The following EXOC4 variants were observed in gnomAD, a reference collection of about 807,000 sequenced individuals.
EXOC4 encodes SEC8-like 1.
In EXOC4, 71 loss-of-function variants were observed where a neutral mutation model predicts 107.2. The ratio of observed to expected loss-of-function variants is 0.66; its 90% CI spans 0.55 to 0.81. The LOEUF is 0.81. Among genes scored for constraint, EXOC4 ranks in the 30% least tolerant of loss-of-function variants. EXOC4 has a pLI of 0.00. For synonymous variants in EXOC4, 456 were observed against 441.2 expected (o/e 1.03, Z -0.42); for missense variants, 1,108 against 1,189.6 (o/e 0.93, Z 1.01).
intron 17 of EXOC4, among the ~76,000 whole-genome samples, chr7:134,029,505 T>C (rs1795221543): frequency 6.6e-6 from 1 of 152,060 alleles, no homozygotes; most frequent in African/African-American, 2.4e-5. Flanking sequence ...GATTGATTGA[T>C]TGATTGCTTT....
intron 5 of EXOC4, among the ~76,000 whole-genome samples, chr7:133,318,138 C>A (rs959064422): frequency 1.3e-5 from 2 of 152,220 alleles, no homozygotes; most frequent in Non-Finnish European, 2.9e-5. Context: ...CTCTCCACTT[C>A]TAAATGTGCA....
At position 133,719,070 on chromosome 7, in the gene EXOC4, A is replaced by G. The variant is rs543568724; in HGVS notation, c.1514+88929A>G. ...ACAATTCCTATGTTTTGTGGGAGGG[A>G]CCTAGTAGGAGGTAATTGAATCATG... On this transcript the variant is annotated intron_variant, in intron 10 of 17. Coordinates refer to ENST00000253861, the MANE Select transcript of EXOC4 (RefSeq NM_021807.4). Among the ~76,000 whole-genome samples the G allele has an allele frequency of 8.5e-5, 13 of 152,208 alleles. No homozygotes were observed. The East Asian group carries it at 1.5e-3, about 18-fold the overall frequency.
chr7:133,682,323 C>T (rs1469969487), intron 10 of EXOC4, among the ~76,000 whole-genome samples: 4 of 152,130 alleles, frequency 2.6e-5, no homozygotes, highest in African/African-American at 9.7e-5. Context: ...GTATGAAATT[C>T]TTCACCCATA....
At chr7:133,748,287 C>G (rs1795719532) in intron 10 of EXOC4, among the ~76,000 whole-genome samples, 1 of 152,136 alleles carries the variant, frequency 6.6e-6, no homozygotes, top group Non-Finnish European at 1.5e-5. Flanking sequence ...AAGAATGATA[C>G]AGTTTTGAAG....
chr7:133,770,237 A>AT (rs1264508692), intron 10 of EXOC4, among the ~76,000 whole-genome samples: 1 of 151,870 alleles, frequency 6.6e-6, no homozygotes, highest in Non-Finnish European at 1.5e-5. Flanking sequence ...TCTCAGGTAG[A>AT]TGCTAGAGTG....
At chr7:133,641,356 T>C (rs1420960768) in intron 10 of EXOC4, among the ~76,000 whole-genome samples, 4 of 152,222 alleles carry the variant, frequency 2.6e-5, no homozygotes, top group Non-Finnish European at 4.4e-5. Context: ...TCTTTCAGTA[T>C]GTCTACAGTA....
intron 7 of EXOC4, among the ~76,000 whole-genome samples, chr7:133,472,081 A>G (rs896770480): frequency 6.6e-6 from 1 of 152,210 alleles, no homozygotes. Flanking sequence ...TTCAGGGAAG[A>G]GTTAAGTAAT....
In EXOC4 at chr7:133,955,565, A is replaced by G. The variant is rs148069439; in HGVS notation, c.2206+17496A>G. Among the ~76,000 whole-genome samples, 886 of 152,342 alleles carry G rather than the reference A, an allele frequency of 5.8e-3. 11 individuals carry two copies. Among genetic ancestry groups the G allele is most frequent in the Middle Eastern group, 0.017 (5 of 294 alleles). ...GTAACATAAGTTCCCACTCTGGTCC[A>G]TGGGACTGGCAGCCTGGCCCCCAGG... On this transcript the variant is annotated intron_variant, in intron 14 of 17. Transcript: ENST00000253861.
At chr7:133,948,719 G>A (rs781189118) in intron 14 of EXOC4, among the ~76,000 whole-genome samples, 3 of 152,144 alleles carry the variant, frequency 2.0e-5, no homozygotes, top group African/African-American at 4.8e-5. Flanking sequence ...GCCTCAAGCC[G>A]TAGTTGACAG....
intron 7 of EXOC4, among the ~76,000 whole-genome samples, chr7:133,379,606 A>G (rs1172087810): frequency 6.6e-6 from 1 of 152,104 alleles, no homozygotes; most frequent in Non-Finnish European, 1.5e-5. Context: ...TGGACTATGT[A>G]ATTTTACTTA....
chr7:133,331,468 T>C (rs1363729807), intron 5 of EXOC4, among the ~76,000 whole-genome samples: 2 of 95,732 alleles, frequency 2.1e-5, no homozygotes, highest in African/African-American at 6.4e-5. Context: ...TTTCTTTTTT[T>C]TTTTTTTTTT....
intron 14 of EXOC4, among the ~76,000 whole-genome samples, chr7:133,971,719 T>C (rs1366053355): frequency 1.3e-5 from 2 of 152,112 alleles, no homozygotes; most frequent in Non-Finnish European, 2.9e-5. Context: ...AGACAATTCA[T>C]TACTGGTTAG....
intron 9 of EXOC4, among the ~76,000 whole-genome samples, chr7:133,598,006 A>G (rs1047897253): frequency 2.6e-5 from 4 of 152,130 alleles, no homozygotes; most frequent in African/African-American, 9.7e-5. Flanking sequence ...CAATAAGAGC[A>G]ACACTCTGTC....
At chr7:133,866,678 C>T (rs1156612415) in intron 11 of EXOC4, among the ~76,000 whole-genome samples, 1 of 152,044 alleles carries the variant, frequency 6.6e-6, no homozygotes, top group Admixed American at 6.6e-5. Flanking sequence ...TTTGATTCAT[C>T]GCTGGATCCA....
At chr7:133,570,195 A>G (rs1800993114) in intron 9 of EXOC4, among the ~76,000 whole-genome samples, 1 of 152,202 alleles carries the variant, frequency 6.6e-6, no homozygotes, top group African/African-American at 2.4e-5. Flanking sequence ...GACCTCATGC[A>G]TTTAGAGCCT....
intron 9 of EXOC4, among the ~76,000 whole-genome samples, chr7:133,592,397 G>C (rs1196857429): frequency 6.6e-6 from 1 of 152,120 alleles, no homozygotes; most frequent in African/African-American, 2.4e-5. Flanking sequence ...AATATCTGGA[G>C]AGTCCTAGAA....
At chr7:133,476,880 C>T (rs899072928) in intron 8 of EXOC4, among the ~76,000 whole-genome samples, 4 of 152,198 alleles carry the variant, frequency 2.6e-5, no homozygotes, top group Admixed American at 1.3e-4. Flanking sequence ...TTGCCATCCT[C>T]AACACATTAG....
At chr7:133,705,949 T>G (rs1168838339) in intron 10 of EXOC4, among the ~76,000 whole-genome samples, 3 of 152,248 alleles carry the variant, frequency 2.0e-5, no homozygotes, top group Non-Finnish European at 4.4e-5. Flanking sequence ...AAACTGTAGA[T>G]AAGGAGGAAT....
intron 2 of EXOC4, among the ~76,000 whole-genome samples, chr7:133,282,499 GA>G (rs1204713229): frequency 1.1e-4 from 17 of 152,104 alleles, no homozygotes; most frequent in Non-Finnish European, 5.9e-5. Flanking sequence ...AGAATGAAAT[GA>G]AAATACTGTC....
Sources: gnomAD v4.1 joint callset for allele counts (sites outside exome capture counted in the v4.1 genomes callset) on GRCh38, gnomAD v4.1.1 for gene constraint, MANE v1.5 for transcripts, NCBI Gene and HGNC (gene_info 2026-07-23, HGNC 2026-07-21) for gene names.